Variants in NWD1 observed in about 807,000 individuals in gnomAD.
NWD1 encodes NACHT domain- and WD repeat-containing protein 1.
Under a neutral mutation model 135.1 loss-of-function variants are expected in NWD1, and 129 were observed. The ratio of observed to expected loss-of-function variants is 0.96; its 90% CI spans 0.83 to 1.11. The LOEUF is 1.11. NWD1 is among the 50% of genes least tolerant of loss of function. The pLI is 0.00. For missense variants in NWD1, 1,740 were observed against 1,851.3 expected, an observed-to-expected ratio of 0.94 and a Z score of 1.10; for synonymous variants, 773 against 786.0, an observed-to-expected ratio of 0.98 and a Z score of 0.28.
At chr19:16,812,827 T>C (rs747463381) in intron 18 of NWD1, 7 of 780,982 alleles carry the variant, frequency 9.0e-6, no homozygotes, top group Admixed American at 5.1e-5. Flanking sequence ...GATCGCTCTA[T>C]ACTTGTTTGG....
At chr19:16,791,307 G>A in intron 13 of NWD1, 43 bp from the exon 14 acceptor site, 2 of 1,587,640 alleles carry the variant, frequency 1.3e-6, no homozygotes, top group East Asian at 2.2e-5. Flanking sequence ...TTGTAGTCTA[G>A]GTCTCCTGCC....
Position 16,744,561 on chromosome 19 carries a change from T to A in NWD1, c.339T>A (p.Asn113Lys), listed in dbSNP as rs1241836467. 2 of 1,535,488 alleles carry A rather than the reference T, an allele frequency of 1.3e-6. No individual in the cohort carries two copies. The highest frequency in any genetic ancestry group is 2.7e-5 in the African/African-American group (2 of 73,000). ...CACGATACTTCCAGAGGGACGAGAATGCGTTTCCTCCCACCTACGTCCTGC... is the reference window on the plus strand; with the variant it reads ...CACGATACTTCCAGAGGGACGAGAAAGCGTTTCCTCCCACCTACGTCCTGC... The part of the protein sequence containing the change: ...LVARYFQRDE[N>K]AFPPTYVLQA... The change falls in exon 5 of 19, where the codon AAT becomes AAA. Residue 113 changes from asparagine (N) to lysine (K), a missense_variant. Transcript: ENST00000524140.
chr19:16,765,340 A>G (rs1969185170), intron 10 of NWD1, 148 bp downstream of exon 10: 6 of 850,230 alleles, frequency 7.1e-6, no homozygotes, highest in South Asian at 5.7e-5. Context: ...CAGTGCTTCT[A>G]GAATTTTTTT....
At chr19:16,801,253 T>C (rs1366666772) in intron 17 of NWD1, among the ~76,000 whole-genome samples, 1 of 152,004 alleles carries the variant, frequency 6.6e-6, no homozygotes, top group Non-Finnish European at 1.5e-5. Flanking sequence ...CACTCCAGCC[T>C]GGGCAACAAG....
At chr19:16,738,566 C>CA (rs770498066) in intron 4 of NWD1, among the ~76,000 whole-genome samples, 7,063 of 91,322 alleles carry the variant, frequency 0.077, 267 homozygotes, top group Middle Eastern at 0.11. Flanking sequence ...GAGACTCTGT[C>CA]AAAAAAAAAA....
chr19:16,797,131 G>A (rs1378713168), intron 15 of NWD1, among the ~76,000 whole-genome samples: 3 of 150,304 alleles, frequency 2.0e-5, no homozygotes, highest in Non-Finnish European at 4.4e-5. Context: ...AGTGAGCCAA[G>A]ATCATGCCAC....
chr19:16,790,638 A>AT (rs1970209010), intron 13 of NWD1, among the ~76,000 whole-genome samples: 2 of 56,966 alleles, frequency 3.5e-5, no homozygotes, highest in African/African-American at 1.1e-4. Flanking sequence ...ACATTAAAAA[A>AT]AAATAAATAA....
At chr19:16,781,777 C>A (rs111688584) in intron 12 of NWD1, among the ~76,000 whole-genome samples, 3 of 152,042 alleles carry the variant, frequency 2.0e-5, no homozygotes, top group African/African-American at 7.2e-5. Flanking sequence ...AGAATCAAGT[C>A]ATCGAAAATT....
intron 5 of NWD1, 53 bp from the exon 6 acceptor site, chr19:16,749,086 G>A: frequency 6.9e-7 from 1 of 1,441,204 alleles, no homozygotes; most frequent in Non-Finnish European, 9.5e-7. Context: ...ATTTAGGTCA[G>A]CTGCTGACCC....
intron 4 of NWD1, among the ~76,000 whole-genome samples, chr19:16,738,884 T>TATA (rs1424385998): frequency 7.0e-6 from 1 of 142,682 alleles, no homozygotes; most frequent in African/African-American, 2.6e-5. Flanking sequence ...ACATTATATA[T>TATA]TATATATATA....
chr19:16,769,653 G>T (rs114791192), intron 10 of NWD1, among the ~76,000 whole-genome samples: 3,087 of 152,116 alleles, frequency 0.02, 95 homozygotes, highest in African/African-American at 0.067. Context: ...CTTGCGTGCC[G>T]GGGGCCCTGG....
intron 5 of NWD1, 99 bp downstream of exon 5, chr19:16,744,817 C>A: frequency 2.0e-6 from 2 of 1,014,082 alleles, no homozygotes; most frequent in East Asian, 2.6e-5. Context: ...GTCTGCATTT[C>A]TTGCAAATGC....
chr19:16,799,771 G>C (rs1213287075), intron 16 of NWD1, 115 bp from the exon 17 acceptor site: 7 of 901,608 alleles, frequency 7.8e-6, no homozygotes, highest in African/African-American at 1.7e-5. Context: ...GCCTCCCAAA[G>C]TGTTGGGATT....
intron 16 of NWD1, 148 bp from the exon 17 acceptor site, chr19:16,799,738 C>T: frequency 1.6e-6 from 1 of 630,314 alleles, no homozygotes; most frequent in Non-Finnish European, 2.8e-6. Context: ...GAACTCCTGA[C>T]CTCAGGTGAT....
At chr19:16,735,802 GA>G in intron 3 of NWD1, among the ~76,000 whole-genome samples, 1 of 45,818 alleles carries the variant, frequency 2.2e-5, no homozygotes, top group African/African-American at 1.7e-4. Flanking sequence ...TGGAAGGAAG[GA>G]AGGAAGGAAG....
intron 16 of NWD1, among the ~76,000 whole-genome samples, chr19:16,799,116 T>C (rs1970515347): frequency 6.6e-6 from 1 of 152,096 alleles, no homozygotes; most frequent in Non-Finnish European, 1.5e-5. Flanking sequence ...TGGGAAGATG[T>C]GAAGGCCCTT....
In NWD1 at chr19:16,749,298, A is replaced by C; in HGVS notation, c.656A>C (p.Asp219Ala). 1 of 1,613,966 alleles carries C rather than the reference A, an allele frequency of 6.2e-7. No individual in the cohort carries two copies. Among genetic ancestry groups the C allele is most frequent in the Non-Finnish European group, 8.5e-7 (1 of 1,179,994 alleles). The change falls in exon 6 of 19, where the codon GAT becomes GCT. Residue 219 changes from aspartate to alanine, a missense_variant. Physicochemically the swap from Asp to Ala is moderately radical, Grantham distance 126 (BLOSUM62 -2). Coordinates refer to ENST00000524140, the MANE Select transcript of NWD1 (RefSeq NM_001007525.5). ...DRLADGCLDADAQNLLSSLKS... is the reference protein window; with the variant it reads ...DRLADGCLDAAAQNLLSSLKS... ...CTCGCGGATGGCTGCCTGGACGCTG[A>C]TGCCCAGAACCTTCTCAGCAGCCTC...
At position 16,791,675 on chromosome 19, in the gene NWD1, C is replaced by T. The variant is rs180840838; in HGVS notation, c.3213+53C>T. ...AACATTAACTCAGCTTGAAAGTGCT[C>T]AGATGTGCTAGAAGTTGGGAAAAAT... On this transcript the variant is annotated intron_variant, in intron 14 of 18. Transcript: ENST00000524140. 2,276 of 1,530,438 alleles carry T rather than the reference C, an allele frequency of 1.5e-3. 1 individual carries two copies. Among genetic ancestry groups the T allele is most frequent in the Non-Finnish European group, 1.9e-3 (2,065 of 1,108,604 alleles). The allele number at this position is 1,530,438 out of a possible 1,614,324, so 94.8% of individuals were successfully genotyped here.
At chr19:16,778,253 GT>G (rs1969725083) in intron 11 of NWD1, among the ~76,000 whole-genome samples, 1 of 151,920 alleles carries the variant, frequency 6.6e-6, no homozygotes, top group South Asian at 2.1e-4. Flanking sequence ...CTAGGCCCAC[GT>G]TTTCTCCAAT....
Sources: allele counts gnomAD v4.1 joint callset (sites outside exome capture counted in the v4.1 genomes callset), GRCh38; gene constraint gnomAD v4.1.1; transcripts MANE v1.5; gene names NCBI Gene and HGNC (gene_info 2026-07-23, HGNC 2026-07-21).